SLC25A20: variants seen among roughly 807,000 people sequenced by gnomAD.
The protein encoded by SLC25A20 is mitochondrial carnitine/acylcarnitine carrier protein.
In SLC25A20, 29 loss-of-function variants were observed where a neutral mutation model predicts 39.7. The ratio of observed to expected loss-of-function variants is 0.73; its 90% CI spans 0.54 to 1.00. SLC25A20 has a LOEUF of 1.00. SLC25A20 is among the 50% of genes least tolerant of loss of function. The pLI is 0.00. For synonymous variants in SLC25A20, 103 were observed against 142.2 expected (o/e 0.72, Z 1.96); for missense variants, 333 against 379.9 (o/e 0.88, Z 1.03).
At chr3:48,881,364 C>T (rs1176199465) in intron 3 of SLC25A20, among the ~76,000 whole-genome samples, 2 of 152,192 alleles carry the variant, frequency 1.3e-5, no homozygotes, top group Non-Finnish European at 2.9e-5. Flanking sequence ...CAACCCTAGG[C>T]TCAGCAAACC....
intron 4 of SLC25A20, among the ~76,000 whole-genome samples, chr3:48,873,803 T>TA (rs2083735413): frequency 6.7e-6 from 1 of 148,390 alleles, no homozygotes; most frequent in Non-Finnish European, 1.5e-5. Context: ...CCGTCTCTAC[T>TA]AAAAAAATAC....
chr3:48,875,201 T>A (rs2106649170), intron 4 of SLC25A20, among the ~76,000 whole-genome samples: 1 of 151,896 alleles, frequency 6.6e-6, no homozygotes, highest in East Asian at 1.9e-4. Flanking sequence ...CCTCCCGGGT[T>A]CAAGCAATTC....
chr3:48,869,416 G>C (rs1264621016), intron 4 of SLC25A20, among the ~76,000 whole-genome samples: 1 of 152,156 alleles, frequency 6.6e-6, no homozygotes, highest in Non-Finnish European at 1.5e-5. Context: ...GGGAGGCGAA[G>C]GCAGCTGGAT....
intron 4 of SLC25A20, among the ~76,000 whole-genome samples, chr3:48,868,986 A>G (rs1168119907): frequency 6.6e-6 from 1 of 152,160 alleles, no homozygotes; most frequent in Non-Finnish European, 1.5e-5. Flanking sequence ...TTGCCACCCT[A>G]GAGTGCTAGT....
chr3:48,869,112 C>G (rs1170738321), intron 4 of SLC25A20, among the ~76,000 whole-genome samples: 2 of 152,124 alleles, frequency 1.3e-5, no homozygotes, highest in Non-Finnish European at 2.9e-5. Flanking sequence ...TGTAATGAGG[C>G]TGCATCCTTC....
intron 3 of SLC25A20, among the ~76,000 whole-genome samples, chr3:48,882,743 G>T (rs2083803324): frequency 6.6e-6 from 1 of 152,042 alleles, no homozygotes; most frequent in African/African-American, 2.4e-5. Flanking sequence ...TTAAAAATTA[G>T]CCCAGAGTGA....
At chr3:48,887,255 A>G (rs1381430381) in intron 2 of SLC25A20, among the ~76,000 whole-genome samples, 1 of 152,214 alleles carries the variant, frequency 6.6e-6, no homozygotes, top group Non-Finnish European at 1.5e-5. Flanking sequence ...TAGAATGGCC[A>G]ACCCAGTTCC....
chr3:48,897,135 T>C (rs897140445), intron 1 of SLC25A20, among the ~76,000 whole-genome samples: 2 of 149,466 alleles, frequency 1.3e-5, no homozygotes, highest in Admixed American at 6.8e-5. Flanking sequence ...CAGGCTTTGA[T>C]TGGAGCCCAC....
In SLC25A20 at chr3:48,891,652, G is replaced by A. The variant is rs116711894; in HGVS notation, c.198+328C>T. Among the ~76,000 whole-genome samples, 903 of 152,284 alleles carry A rather than the reference G, an allele frequency of 5.9e-3. 5 individuals are homozygous for A. Among genetic ancestry groups the A allele is most frequent in the African/African-American group, 0.021 (873 of 41,576 alleles). ...CCCCCAAAGCGCTAGGATTAGAGGC[G>A]TGAGCCACCACACCCAGCTCAGATG... On this transcript the variant is annotated intron_variant, in intron 2 of 8. Coordinates refer to ENST00000319017, the MANE Select transcript of SLC25A20 (RefSeq NM_000387.6).
intron 2 of SLC25A20, among the ~76,000 whole-genome samples, chr3:48,889,167 T>A (rs1201504889): frequency 6.6e-6 from 1 of 151,812 alleles, no homozygotes; most frequent in African/African-American, 2.4e-5. Flanking sequence ...TTAATGAAGT[T>A]ATTTATTATT....
chr3:48,877,342 A>G (rs1489583394), intron 4 of SLC25A20, among the ~76,000 whole-genome samples: 1 of 152,074 alleles, frequency 6.6e-6, no homozygotes, highest in Non-Finnish European at 1.5e-5. Flanking sequence ...TGAACCCAAG[A>G]GGCGGAGGTT....
chr3:48,884,164 C>T (rs2083815174), intron 2 of SLC25A20, 40 bp from the exon 3 acceptor site: 2 of 1,611,338 alleles, frequency 1.2e-6, no homozygotes, highest in Non-Finnish European at 1.7e-6. Flanking sequence ...TTACAGACAC[C>T]ACCACCTTTT....
At chr3:48,867,773 C>T (rs1300418252) in intron 4 of SLC25A20, among the ~76,000 whole-genome samples, 2 of 151,324 alleles carry the variant, frequency 1.3e-5, no homozygotes, top group African/African-American at 2.4e-5. Context: ...TAGAAACAAG[C>T]AGGGTGGCCG....
At chr3:48,865,781 A>G (rs890478444) in intron 4 of SLC25A20, among the ~76,000 whole-genome samples, 1 of 151,072 alleles carries the variant, frequency 6.6e-6, no homozygotes, top group African/African-American at 2.4e-5. Context: ...ACAAAAAAAA[A>G]AAAAAGAAAA....
At chr3:48,875,864 C>T (rs2083751607) in intron 4 of SLC25A20, among the ~76,000 whole-genome samples, 2 of 151,654 alleles carry the variant, frequency 1.3e-5, no homozygotes, top group Non-Finnish European at 2.9e-5. Context: ...AAAAAATAAA[C>T]AAAACTAGCA....
chr3:48,889,226 C>A (rs1325958602), intron 2 of SLC25A20, among the ~76,000 whole-genome samples: 2 of 150,740 alleles, frequency 1.3e-5, no homozygotes, highest in African/African-American at 4.9e-5. Flanking sequence ...TCTTTTTGCC[C>A]AGGCTGGAGT....
chr3:48,891,201 A>C (rs1343976151), intron 2 of SLC25A20, among the ~76,000 whole-genome samples: 1 of 152,120 alleles, frequency 6.6e-6, no homozygotes, highest in African/African-American at 2.4e-5. Context: ...CAGCCTCCCA[A>C]GTAGCTGGGA....
intron 1 of SLC25A20, among the ~76,000 whole-genome samples, chr3:48,898,001 G>A (rs748995642): frequency 6.6e-6 from 1 of 152,132 alleles, no homozygotes; most frequent in African/African-American, 2.4e-5. Context: ...CCTGATGAAC[G>A]TCCTCCCTCC....
intron 2 of SLC25A20, among the ~76,000 whole-genome samples, chr3:48,886,813 T>C (rs2083832617): frequency 6.6e-6 from 1 of 152,094 alleles, no homozygotes; most frequent in Non-Finnish European, 1.5e-5. Flanking sequence ...AGACCCCATC[T>C]CAAAACCATT....
Sources: gnomAD v4.1 joint callset for allele counts (sites outside exome capture counted in the v4.1 genomes callset) on GRCh38, gnomAD v4.1.1 for gene constraint, MANE v1.5 for transcripts, NCBI Gene and HGNC (gene_info 2026-07-23, HGNC 2026-07-21) for gene names.